Variants in DISP3 observed in about 807,000 individuals in gnomAD.
The protein encoded by DISP3 is dispatched RND transporter family member 3, also known as protein dispatched homolog 3.
In DISP3, 101 loss-of-function variants were observed where a neutral mutation model predicts 135.3. The observed-to-expected ratio is 0.75, with a 90% confidence interval of 0.64 to 0.88. The LOEUF (loss-of-function observed/expected upper bound fraction) is 0.88. Ranked by LOEUF, DISP3 falls within the 40% of genes least tolerant of loss-of-function variation. The pLI is 0.00. For synonymous variants in DISP3, 856 were observed against 817.0 expected, an observed-to-expected ratio of 1.05 and a Z score of -0.81; for missense variants, 1,713 against 1,878.6, an observed-to-expected ratio of 0.91 and a Z score of 1.63.
chr1:11,508,948 C>T (rs2745269), intron 3 of DISP3, among the ~76,000 whole-genome samples: 129,566 of 152,160 alleles, frequency 0.85, 55,256 homozygotes, highest in Admixed American at 0.88. Context: ...TTGGTTTATG[C>T]TACATTTCAT....
At chr1:11,514,314 C>G in intron 3 of DISP3, 76 bp from the exon 4 acceptor site, 1 of 1,491,140 alleles carries the variant, frequency 6.7e-7, no homozygotes, top group East Asian at 2.3e-5. Context: ...TGATACTCCT[C>G]TACATGTTCA....
intron 10 of DISP3, among the ~76,000 whole-genome samples, chr1:11,522,738 G>A (rs374509796): frequency 0.2 from 5,107 of 25,116 alleles, 18 homozygotes; most frequent in South Asian, 0.24. Flanking sequence ...GCCCAGCCAG[G>A]GCCCAGCCAG....
intron 15 of DISP3, 80 bp from the exon 16 acceptor site, chr1:11,530,827 C>T (rs1642556399): frequency 6.4e-7 from 1 of 1,568,704 alleles, no homozygotes. Context: ...AGGTTCTGCC[C>T]CAGGGTTGGG....
chr1:11,506,115 G>A (rs1200512159), intron 3 of DISP3, among the ~76,000 whole-genome samples: 103 of 152,166 alleles, frequency 6.8e-4, no homozygotes, highest in Admixed American at 6.7e-3. Flanking sequence ...CTGTAGAAAA[G>A]TAGGCTGTAA....
At chr1:11,525,403 GGAGGGAGAAGCAGCTTT>G in intron 12 of DISP3, 91 bp downstream of exon 12, 1 of 1,427,050 alleles carries the variant, frequency 7.0e-7, no homozygotes. Flanking sequence ...TGGCCAATAG[GGAGGGAGAAGCAGCTTT>G]GAGGATGAAG....
At position 11,483,060 on chromosome 1, in the gene DISP3, C is replaced by T. The variant is rs1478399240; in HGVS notation, c.-4+3688C>T. Among the ~76,000 whole-genome samples, 1 of 152,234 alleles carries T rather than the reference C, an allele frequency of 6.6e-6. No homozygotes were observed. The highest frequency in any genetic ancestry group is 1.5e-5 in the Non-Finnish European group (1 of 68,032). On this transcript the variant is annotated intron_variant, in intron 1 of 20. Transcript: ENST00000294484. The surrounding 1 kb of genome is among the most constrained non-coding windows in gnomAD (Gnocchi z 5.4). ...CAGTGCGGCTCACGCTGCAGCTGCC[C>T]AACAAAGGCCGGAGGCATGGATGCT...
chr1:11,537,047 A>G lies in DISP3; in HGVS notation c.*361A>G. 1 of 233,110 alleles carries G rather than the reference A, an allele frequency of 4.3e-6. No individual in the cohort carries two copies. Among genetic ancestry groups the G allele is most frequent in the East Asian group, 9.3e-5 (1 of 10,722 alleles). 14.4% of individuals were successfully genotyped at this position (233,110 alleles called of 1,614,324 possible). A position where few individuals can be genotyped will look rare whatever the true frequency, so the allele number is the denominator to read the frequency against. On this transcript the variant is annotated 3_prime_UTR_variant, in exon 21 of 21. Transcript: ENST00000294484. ...CACAACCTTCCAGTGTGGATGTTACAGGGTGGCCCCCATTCTACCGATGTG... is the reference window on the plus strand; with the variant it reads ...CACAACCTTCCAGTGTGGATGTTACGGGGTGGCCCCCATTCTACCGATGTG...
intron 3 of DISP3, among the ~76,000 whole-genome samples, chr1:11,503,732 C>A (rs1641620696): frequency 6.6e-6 from 1 of 152,190 alleles, no homozygotes; most frequent in Non-Finnish European, 1.5e-5. Flanking sequence ...TCTCCATATT[C>A]CTTAATCCAA....
At chr1:11,513,948 GT>G (rs57749480) in intron 3 of DISP3, among the ~76,000 whole-genome samples, 87,666 of 147,722 alleles carry the variant, frequency 0.59, 27,163 homozygotes, top group Non-Finnish European at 0.7. Context: ...GCCTGGTTAT[GT>G]TTTTTTTTTT....
At chr1:11,492,413 G>C (rs560094042) in intron 1 of DISP3, among the ~76,000 whole-genome samples, 1 of 152,082 alleles carries the variant, frequency 6.6e-6, no homozygotes, top group African/African-American at 2.4e-5. Context: ...TGGGTTTTTC[G>C]AGTCAGCGCC....
intron 3 of DISP3, among the ~76,000 whole-genome samples, chr1:11,511,112 A>G (rs1244842356): frequency 1.3e-5 from 2 of 152,206 alleles, no homozygotes; most frequent in African/African-American, 4.8e-5. Flanking sequence ...ATTCTGGGAG[A>G]TGCAATTCAA....
At chr1:11,525,363 G>A in intron 12 of DISP3, 51 bp downstream of exon 12, 1 of 1,580,944 alleles carries the variant, frequency 6.3e-7, no homozygotes, top group South Asian at 1.1e-5. Context: ...GGTGGTGGGG[G>A]GCTCTCAGGG....
chr1:11,523,339 A>G (rs1307260802), intron 10 of DISP3, among the ~76,000 whole-genome samples: 1 of 152,214 alleles, frequency 6.6e-6, no homozygotes, highest in Non-Finnish European at 1.5e-5. Context: ...GGTCACTCTA[A>G]CAGTCACTCC....
chr1:11,495,320 G>A (rs1641302153), intron 1 of DISP3, among the ~76,000 whole-genome samples: 1 of 152,176 alleles, frequency 6.6e-6, no homozygotes, highest in Non-Finnish European at 1.5e-5. Flanking sequence ...GAACCCGGGA[G>A]GTGGAGGTTG....
In DISP3 at chr1:11,501,993, C is replaced by T. The variant is rs759870550; in HGVS notation, c.1001C>T (p.Ser334Leu). Reference protein sequence around the residue: ...DLPLGSYSYCSPPSSLMTYFF... With the variant: ...DLPLGSYSYCLPPSSLMTYFF... ...CCGCTGGGCTCCTACTCCTACTGCT[C>T]GCCCCCCAGCTCGCTCATGACCTAC... The change falls in exon 2 of 21, where the codon TCG becomes TTG. Residue 334 changes from serine (S) to leucine (L), a missense_variant. Transcript: ENST00000294484. This position sits in a 1 kb window ranked among gnomAD's most constrained non-coding sequence, Gnocchi z 4.9. The T allele has an allele frequency of 2.5e-6, 4 of 1,613,690 alleles. No homozygotes were observed. The highest frequency in any genetic ancestry group is 1.1e-5 in the South Asian group (1 of 91,000).
chr1:11,515,334 C>T, intron 4 of DISP3, 35 bp from the exon 5 acceptor site: 1 of 1,613,232 alleles, frequency 6.2e-7, no homozygotes, highest in African/African-American at 1.3e-5. Flanking sequence ...ATGAGGGTCC[C>T]CCCACCGTCT....
intron 1 of DISP3, 57 bp from the exon 2 acceptor site, chr1:11,500,933 C>T (rs964230141): frequency 1.5e-5 from 24 of 1,585,468 alleles, no homozygotes; most frequent in Admixed American, 5.2e-5. Context: ...AACTGCACCA[C>T]AGGGCACCTT....
chr1:11,487,055 A>G (rs369921409), intron 1 of DISP3, among the ~76,000 whole-genome samples: 2 of 152,374 alleles, frequency 1.3e-5, no homozygotes, highest in South Asian at 4.1e-4. Context: ...GAATGAGTGA[A>G]TGAATTGGTA....
At chr1:11,507,521 C>G (rs935753307) in intron 3 of DISP3, among the ~76,000 whole-genome samples, 2 of 152,250 alleles carry the variant, frequency 1.3e-5, no homozygotes, top group African/African-American at 2.4e-5. Flanking sequence ...TTCTGCTGAT[C>G]TGCAAGTGTC....
Sources: gnomAD v4.1 joint callset for allele counts (sites outside exome capture counted in the v4.1 genomes callset) on GRCh38, gnomAD v4.1.1 for gene constraint, Gnocchi (gnomAD v3.1) non-coding constraint, MANE v1.5 for transcripts, NCBI Gene and HGNC (gene_info 2026-07-23, HGNC 2026-07-21) for gene names.